Variants in SETD1B observed in about 807,000 individuals in gnomAD.
The protein encoded by SETD1B is histone-lysine N-methyltransferase SETD1B.
In SETD1B, 7 loss-of-function variants were observed where a neutral mutation model predicts 148.0. The ratio of observed to expected loss-of-function variants is 0.05; its 90% CI spans 0.03 to 0.09. SETD1B has a LOEUF of 0.09. SETD1B is among the 10% of genes least tolerant of loss of function. The pLI is 1.00. For synonymous variants in SETD1B, 1,361 were observed against 1,186.5 expected (o/e 1.15, Z -3.02); for missense variants, 2,155 against 2,729.9 (o/e 0.79, Z 4.69).
At chr12:121,800,959 G>A (rs2137531984), upstream of SETD1B, 1 of 152,296 alleles carries the variant, frequency 6.6e-6, no homozygotes, top group South Asian at 2.1e-4. Flanking sequence ...CTGCCCGGCT[G>A]GGCCCGCCTG....
rs1876213045 is a variant in SETD1B, at chr12:121,814,791, C to T, written c.2576C>T (p.Ala859Val). The T allele has an allele frequency of 6.4e-7, 1 of 1,551,438 alleles. No individual in the cohort carries two copies. Among genetic ancestry groups the T allele is most frequent in the African/African-American group, 1.4e-5 (1 of 73,056 alleles). ...CCACGCCAGGAGGACCCACACAAAG[C>T]CACGGTGGATGGCGTCCTGCTGGTG... ...YMPRQEDPHK[A>V]TVDGVLLVVL... The change falls in exon 7 of 17, where the codon GCC (alanine) becomes GTC (valine). Residue 859 changes from alanine (A) to valine (V), a missense_variant. Coordinates refer to ENST00000604567, the MANE Select transcript of SETD1B (RefSeq NM_001353345.2).
At chr12:121,813,742 C>A (rs369240169) in intron 6 of SETD1B, among the ~76,000 whole-genome samples, 57 of 152,280 alleles carry the variant, frequency 3.7e-4, no homozygotes, top group African/African-American at 1.3e-3. Flanking sequence ...CTCTCCCTCA[C>A]GTTTCCCGTA....
At position 121,822,957 on chromosome 12, in the gene SETD1B, G is replaced by T; in HGVS notation, c.4378G>T (p.Gly1460Trp). Residue 1460 changes from glycine (G) to tryptophan (W), a missense_variant, in exon 12 of 17, where the codon GGG becomes TGG. By Grantham distance (184) the Gly-to-Trp change is radical. Coordinates refer to ENST00000604567, the MANE Select transcript of SETD1B (RefSeq NM_001353345.2). ...LPTGRRDERS[G>W]PLASPVLLET... Reference sequence around the variant, plus strand: ...CACTGGCCGACGCGATGAACGCTCCGGGCCCCTGGCCTCCCCGGTGCTCCT... The same window carrying T: ...CACTGGCCGACGCGATGAACGCTCCTGGCCCCTGGCCTCCCCGGTGCTCCT... 1.3e-6 allele frequency: 2 copies of T among 1,538,934 alleles called. No homozygotes were observed.
chr12:121,790,827 C>A, the SETD1B span, among the ~76,000 whole-genome samples: 1 of 152,182 alleles, frequency 6.6e-6, no homozygotes, highest in African/African-American at 2.4e-5. Context: ...AAAGCACAGG[C>A]TTGAGCTAGG....
the SETD1B span, among the ~76,000 whole-genome samples, chr12:121,798,322 G>GGGA: frequency 6.6e-6 from 1 of 152,232 alleles, no homozygotes; most frequent in Non-Finnish European, 1.5e-5. Flanking sequence ...GAACCGCGTT[G>GGGA]GCCGCCTTCC....
chr12:121,821,620 A>G (rs1461168793), intron 11 of SETD1B, among the ~76,000 whole-genome samples: 1 of 151,640 alleles, frequency 6.6e-6, no homozygotes, highest in Non-Finnish European at 1.5e-5. Flanking sequence ...GCGTGGTGGC[A>G]CGTGCCTGTA....
Position 121,823,351 on chromosome 12 carries a change from C to T in SETD1B, c.4772C>T (p.Pro1591Leu). The change falls in exon 12 of 17, where the codon CCC becomes CTC. Residue 1591 changes from proline (P) to leucine (L), a missense_variant. Transcript: ENST00000604567. ...CCACCACCCCTTCCCCCCCAGCCAC[C>T]CCCACCCCCACCTCCCCCACCTGTA... ...APPPPLPPQP[P>L]PPPPPPPVEP... 9.3e-6 allele frequency: 10 copies of T among 1,081,070 alleles called. No homozygotes were observed. Among genetic ancestry groups the T allele is most frequent in the Non-Finnish European group, 1.3e-5 (10 of 750,170 alleles). 67.0% of individuals were successfully genotyped at this position (1,081,070 alleles called of 1,614,324 possible).
At chr12:121,793,254 G>A in the SETD1B span, 3 of 1,549,872 alleles carry the variant, frequency 1.9e-6, no homozygotes, top group Admixed American at 2.0e-5. Flanking sequence ...GGGAGAGGGG[G>A]TCGGGTTGGT....
intron 13 of SETD1B, among the ~76,000 whole-genome samples, chr12:121,826,522 T>C (rs1876848560): frequency 6.6e-6 from 1 of 151,710 alleles, no homozygotes; most frequent in Non-Finnish European, 1.5e-5. Flanking sequence ...CTCCATGGTG[T>C]GAGGAAGGGA....
Position 121,809,901 on chromosome 12 carries a change from A to G in SETD1B, c.956A>G (p.Asp319Gly), listed in dbSNP as rs1310797922. ...CGGCGCCACGAGAGCAAGTTCACGG[A>G]CGCCTACAACCGCCGCCACGAACAT... ...KARRHESKFT[D>G]AYNRRHEHHY... Residue 319 changes from aspartate (D) to glycine (G), a missense_variant, in exon 6 of 17, where the codon GAC becomes GGC. Asp to Gly is a moderately conservative substitution (Grantham distance 94, BLOSUM62 -1). Around this residue, in one of 11 missense-constraint regions of SETD1B, gnomAD observed 376 missense variants for 385.0 expected, o/e 0.98. Transcript: ENST00000604567. 3.9e-6 allele frequency: 6 copies of G among 1,550,774 alleles called. No individual in the cohort carries two copies. The highest frequency in any genetic ancestry group is 3.5e-6 in the Non-Finnish European group (4 of 1,146,942).
At position 121,805,069 on chromosome 12, in the gene SETD1B, G is replaced by C. The variant is rs1276196958; in HGVS notation, c.175-49G>C. ...GCCTCGAGAAAGGGGTCTGCCCATG[G>C]GGAGGGGGACCAGTTCTCTCATCCC... is the stretch of plus-strand genomic sequence containing the variant. On this transcript the variant is annotated intron_variant, in intron 2 of 16. Transcript: ENST00000604567. The surrounding 1 kb of genome is among the most constrained non-coding windows in gnomAD (Gnocchi z 4.2). 1.5e-5 allele frequency: 23 copies of C among 1,529,972 alleles called. No individual in the cohort carries two copies. The highest frequency in any genetic ancestry group is 2.0e-5 in the Non-Finnish European group (23 of 1,127,858). 94.8% of individuals were successfully genotyped at this position (1,529,972 alleles called of 1,614,324 possible). A position where few individuals can be genotyped will look rare whatever the true frequency, so the allele number is the denominator to read the frequency against.
intron 13 of SETD1B, among the ~76,000 whole-genome samples, chr12:121,825,611 T>G (rs1172203030): frequency 6.6e-6 from 1 of 152,086 alleles, no homozygotes; most frequent in Non-Finnish European, 1.5e-5. Flanking sequence ...GGAGCTGTAT[T>G]TCCGCAAGTT....
chr12:121,792,090 A>G, the SETD1B span, among the ~76,000 whole-genome samples: 2 of 144,980 alleles, frequency 1.4e-5, no homozygotes, highest in Non-Finnish European at 3.0e-5. Context: ...GACCTGCTGA[A>G]GTCGGAATGG....
At chr12:121,828,169 G>C in intron 16 of SETD1B, 99 bp downstream of exon 16, 1 of 1,465,454 alleles carries the variant, frequency 6.8e-7, no homozygotes, top group Non-Finnish European at 9.1e-7. Context: ...GAATCAGCTC[G>C]GCCTCCTTCC....
Position 121,808,154 on chromosome 12 carries a change from G to C in SETD1B, c.545-54G>C, listed in dbSNP as rs1021543872. ...GCCACACAGGTTGGAATCCTTGTGG[G>C]GGCTGCCCCATCCTGGAACCTCACT... On this transcript the variant is annotated intron_variant, in intron 4 of 16. Transcript: ENST00000604567. This position sits in a 1 kb window ranked among gnomAD's most constrained non-coding sequence, Gnocchi z 5.3. The C allele has an allele frequency of 1.0e-5, 14 of 1,403,800 alleles. No homozygotes were observed. The highest frequency in any genetic ancestry group is 4.3e-5 in the African/African-American group (3 of 70,150). The allele number at this position is 1,403,800 out of a possible 1,614,324, so 87.0% of individuals were successfully genotyped here.
At chr12:121,806,158 C>T (rs1244885666) in intron 4 of SETD1B, 53 bp downstream of exon 4, 9 of 1,525,414 alleles carry the variant, frequency 5.9e-6, no homozygotes, top group Non-Finnish European at 8.0e-6. Context: ...GACCCTTTCC[C>T]TCCCCACCCT....
At position 121,805,489 on chromosome 12, in the gene SETD1B, C is replaced by T. The variant is rs896555848; in HGVS notation, c.273+273C>T. ...CTCCGAGACTCTCCCCTCTCGCTAG[C>T]CCACTACAGGACAACTTCTTAAGCC... On this transcript the variant is annotated intron_variant, in intron 3 of 16. Transcript: ENST00000604567. The surrounding 1 kb of genome is among the most constrained non-coding windows in gnomAD (Gnocchi z 4.2). Among the ~76,000 whole-genome samples the T allele has an allele frequency of 2.6e-5, 4 of 152,158 alleles. No homozygotes were observed. Among genetic ancestry groups the T allele is most frequent in the African/African-American group, 7.2e-5 (3 of 41,430 alleles).
intron 10 of SETD1B, among the ~76,000 whole-genome samples, chr12:121,818,762 T>C (rs7957564): frequency 0.23 from 34,623 of 151,058 alleles, 4,573 homozygotes; most frequent in African/African-American, 0.37. Flanking sequence ...TGGTGGCAGG[T>C]GCCTGTAGTC....
chr12:121,810,098 G>T lies in SETD1B; in HGVS notation c.1153G>T (p.Ala385Ser). 6.5e-7 allele frequency: 1 copy of T among 1,549,976 alleles called. No homozygotes were observed. Among genetic ancestry groups the T allele is most frequent in the Non-Finnish European group, 8.7e-7 (1 of 1,146,886 alleles). The change falls in exon 6 of 17, where the codon GCC becomes TCC. Residue 385 changes from alanine (A) to serine (S), a missense_variant. Around this residue, in one of 11 missense-constraint regions of SETD1B, gnomAD observed 376 missense variants for 385.0 expected, o/e 0.98. Coordinates refer to ENST00000604567, the MANE Select transcript of SETD1B (RefSeq NM_001353345.2). The surrounding 1 kb of genome is among the most constrained non-coding windows in gnomAD (Gnocchi z 7.6). ...SATFAHTPPPAQATPAPGFKS... is the reference protein window; with the variant it reads ...SATFAHTPPPSQATPAPGFKS... ...CACATTTGCCCACACTCCACCACCCGCCCAAGCAACCCCTGCTCCTGGATT... is the reference window on the plus strand; with the variant it reads ...CACATTTGCCCACACTCCACCACCCTCCCAAGCAACCCCTGCTCCTGGATT...
Sources: gnomAD v4.1 joint callset for allele counts (sites outside exome capture counted in the v4.1 genomes callset) on GRCh38, gnomAD v4.1.1 for gene constraint, gnomAD v4.1.1 regional missense constraint, Gnocchi (gnomAD v3.1) non-coding constraint, MANE v1.5 for transcripts, NCBI Gene and HGNC (gene_info 2026-07-23, HGNC 2026-07-21) for gene names.